The following OPA3 variants were observed in gnomAD, a reference collection of about 807,000 sequenced individuals.
The protein encoded by OPA3 is optic atrophy 3 protein.
A neutral mutation model predicts 4.0 loss-of-function variants in OPA3; 6 were observed. That is an observed-to-expected ratio of 1.51 (90% CI 0.83 to 2.99). The LOEUF (loss-of-function observed/expected upper bound fraction) is 2.99. OPA3 is among the 30% of genes most tolerant of loss of function. OPA3 has a pLI of 0.00. For missense variants in OPA3, 235 were observed against 256.2 expected (o/e 0.92, Z 0.56); for synonymous variants, 105 against 117.1 (o/e 0.90, Z 0.67).
At position 45,553,458 on chromosome 19, in the gene OPA3, A is replaced by G. The variant is rs1969366898; in HGVS notation, c.*56T>C. The stretch of plus-strand genomic sequence containing the variant: ...GCGCAGGCAAGGGTGGTGCGGGAAG[A>G]AGGCCACGTTAGGTACATAGGCCAT... On this transcript the variant is annotated 3_prime_UTR_variant, in exon 2 of 2. Transcript: ENST00000263275. 2 of 1,607,762 alleles carry G rather than the reference A, an allele frequency of 1.2e-6. No homozygotes were observed. The highest frequency in any genetic ancestry group is 1.7e-6 in the Non-Finnish European group (2 of 1,179,872).
At chr19:45,581,689 C>T (rs1219110900) in intron 1 of OPA3, among the ~76,000 whole-genome samples, 1 of 152,186 alleles carries the variant, frequency 6.6e-6, no homozygotes, top group East Asian at 1.9e-4. Context: ...GGTGTGTAAC[C>T]GCCCAAGGAG....
intron 1 of OPA3, among the ~76,000 whole-genome samples, chr19:45,561,316 AG>A (rs1195145714): frequency 5.9e-5 from 9 of 152,106 alleles, no homozygotes; most frequent in African/African-American, 2.2e-4. Context: ...CTGGGCAACA[AG>A]AGCAAAACTC....
At chr19:45,569,934 C>G (rs1969636672) in intron 1 of OPA3, among the ~76,000 whole-genome samples, 1 of 152,146 alleles carries the variant, frequency 6.6e-6, no homozygotes, top group South Asian at 2.1e-4. Context: ...GCAAAAAACA[C>G]CCTTTTGATT....
chr19:45,544,975 T>G (rs1275506124), downstream of OPA3, among the ~76,000 whole-genome samples: 2 of 116,418 alleles, frequency 1.7e-5, no homozygotes, highest in African/African-American at 6.7e-5. Context: ...AAGAGGAAAA[T>G]TCCGTCTCAA....
chr19:45,567,685 T>C (rs1026065349), intron 1 of OPA3, among the ~76,000 whole-genome samples: 10 of 152,016 alleles, frequency 6.6e-5, no homozygotes, highest in African/African-American at 2.4e-4. Flanking sequence ...ACCAAAAAAA[T>C]CAAGTGCCAA....
In OPA3 at chr19:45,550,377, T is replaced by C. The variant is rs1402648035; in HGVS notation, c.*3137A>G. The C allele has an allele frequency of 7.4e-6, 7 of 949,924 alleles. No individual in the cohort carries two copies. Among genetic ancestry groups the C allele is most frequent in the Non-Finnish European group, 8.5e-6 (7 of 819,366 alleles). 58.8% of individuals were successfully genotyped at this position (949,924 alleles called of 1,614,324 possible). On this transcript the variant is annotated 3_prime_UTR_variant, in exon 2 of 2. Coordinates refer to ENST00000263275, the MANE Select transcript of OPA3 (RefSeq NM_025136.4). ...TGGTCACCCAGTTTACACAATGCTA[T>C]GATCTCTGGTGTGATCTGGGGCTGC...
chr19:45,557,004 CTGG>C (rs1044469064), intron 1 of OPA3, among the ~76,000 whole-genome samples: 1 of 152,222 alleles, frequency 6.6e-6, no homozygotes, highest in African/African-American at 2.4e-5. Flanking sequence ...CTCGCCAGAC[CTGG>C]TGGTGGCCCA....
intron 1 of OPA3, among the ~76,000 whole-genome samples, chr19:45,556,139 C>A (rs763110569): frequency 1.3e-5 from 2 of 151,972 alleles, no homozygotes; most frequent in Non-Finnish European, 2.9e-5. Context: ...CTAGAGGGCA[C>A]ACAATTTATT....
chr19:45,543,931 T>C (rs1165608772), downstream of OPA3, among the ~76,000 whole-genome samples: 1 of 152,224 alleles, frequency 6.6e-6, no homozygotes, highest in Non-Finnish European at 1.5e-5. Flanking sequence ...TAAGTTCTTT[T>C]TCTGCTTCAG....
At chr19:45,554,938 G>C (rs375590173) in intron 1 of OPA3, among the ~76,000 whole-genome samples, 1 of 151,880 alleles carries the variant, frequency 6.6e-6, no homozygotes, top group Admixed American at 6.6e-5. Context: ...CTACAGGCAC[G>C]CGCCACCATG....
At chr19:45,571,012 T>A (rs1008063370) in intron 1 of OPA3, among the ~76,000 whole-genome samples, 13 of 151,750 alleles carry the variant, frequency 8.6e-5, no homozygotes, top group African/African-American at 2.4e-4. Flanking sequence ...AAGTTTATTT[T>A]AAAAATTTTT....
In OPA3 at chr19:45,551,852, G is replaced by A; in HGVS notation, c.*1662C>T. 1 of 985,582 alleles carries A rather than the reference G, an allele frequency of 1.0e-6. No homozygotes were observed. The highest frequency in any genetic ancestry group is 1.2e-6 in the Non-Finnish European group (1 of 830,026). 61.1% of individuals were successfully genotyped at this position (985,582 alleles called of 1,614,324 possible). A position where few individuals can be genotyped will look rare whatever the true frequency, so the allele number is the denominator to read the frequency against. On this transcript the variant is annotated 3_prime_UTR_variant, in exon 2 of 2. Transcript: ENST00000263275. Reference sequence around the variant, plus strand: ...GCACACAGATTAGGAGACACGGATGGAAGATGAAGGATGTGACAATTGAAT... The same window carrying A: ...GCACACAGATTAGGAGACACGGATGAAAGATGAAGGATGTGACAATTGAAT...
intron 1 of OPA3, among the ~76,000 whole-genome samples, chr19:45,557,202 G>A (rs1295371331): frequency 6.6e-6 from 1 of 152,196 alleles, no homozygotes; most frequent in Non-Finnish European, 1.5e-5. Flanking sequence ...GGGTCTAGGT[G>A]TGCCAATGGG....
intron 1 of OPA3, among the ~76,000 whole-genome samples, chr19:45,564,028 A>C (rs2122471317): frequency 6.6e-6 from 1 of 152,066 alleles, no homozygotes; most frequent in South Asian, 2.1e-4. Flanking sequence ...AAAATCAAAC[A>C]AGCCACCTTG....
chr19:45,544,942 C>T (rs1014311367), downstream of OPA3, among the ~76,000 whole-genome samples: 8 of 151,712 alleles, frequency 5.3e-5, no homozygotes, highest in African/African-American at 1.9e-4. Flanking sequence ...GAGATCGTGT[C>T]ATTGCACTCC....
Position 45,553,399 on chromosome 19 carries a change from T to C in OPA3, c.*115A>G. 2 of 1,591,588 alleles carry C rather than the reference T, an allele frequency of 1.3e-6. No homozygotes were observed. Among genetic ancestry groups the C allele is most frequent in the Non-Finnish European group, 1.7e-6 (2 of 1,175,668 alleles). ...TCAGCAGGGGTAACCAAATGCCAAGTTGCATCAAGATCCTGGTGGTTTCCA... is the reference window on the plus strand; with the variant it reads ...TCAGCAGGGGTAACCAAATGCCAAGCTGCATCAAGATCCTGGTGGTTTCCA... On this transcript the variant is annotated 3_prime_UTR_variant, in exon 2 of 2. Transcript: ENST00000263275.
intron 1 of OPA3, among the ~76,000 whole-genome samples, chr19:45,564,489 C>T (rs192233319): frequency 2.0e-5 from 3 of 152,314 alleles, no homozygotes; most frequent in Non-Finnish European, 2.9e-5. Context: ...GAAAACAAGC[C>T]TGTTCCTCTG....
chr19:45,537,971 G>A (rs1322653272), intron 1 of OPA3, among the ~76,000 whole-genome samples: 1 of 151,792 alleles, frequency 6.6e-6, no homozygotes, highest in African/African-American at 2.4e-5. Context: ...GTGTGTGCCT[G>A]TAGTCCCAGC....
At position 45,549,623 on chromosome 19, in the gene OPA3, G is replaced by A. The variant is rs752997579; in HGVS notation, c.*3891C>T. ...AGCCTCCCGAGTAGCTGGGATTCAG[G>A]AATGTGCCAACATGCCCGGCTAATT... On this transcript the variant is annotated 3_prime_UTR_variant, in exon 2 of 2. Coordinates refer to ENST00000263275, the MANE Select transcript of OPA3 (RefSeq NM_025136.4). 397 of 770,702 alleles carry A rather than the reference G, an allele frequency of 5.2e-4. No homozygotes were observed. Among genetic ancestry groups the A allele is most frequent in the Non-Finnish European group, 6.0e-4 (383 of 634,428 alleles). The allele number at this position is 770,702 out of a possible 1,614,324, so 47.7% of individuals were successfully genotyped here.
Sources: allele counts gnomAD v4.1 joint callset (sites outside exome capture counted in the v4.1 genomes callset), GRCh38; gene constraint gnomAD v4.1.1; transcripts MANE v1.5; gene names NCBI Gene and HGNC (gene_info 2026-07-23, HGNC 2026-07-21).